RPTOR: variants seen among roughly 807,000 people sequenced by gnomAD.
RPTOR encodes the protein regulatory associated protein of MTOR complex 1.
In RPTOR, 21 loss-of-function variants were observed where a neutral mutation model predicts 169.9. The observed-to-expected ratio is 0.12, with a 90% confidence interval of 0.09 to 0.18. The LOEUF (loss-of-function observed/expected upper bound fraction) is 0.18. Ranked by LOEUF, RPTOR falls within the 10% of genes least tolerant of loss-of-function variation. The pLI, the probability that RPTOR is intolerant of heterozygous loss-of-function variation, is 1.00. For synonymous variants in RPTOR, 732 were observed against 753.2 expected (o/e 0.97, Z 0.46); for missense variants, 1,133 against 1,855.9 (o/e 0.61, Z 7.16).
At chr17:80,722,463 A>T (rs1187677081) in intron 4 of RPTOR, among the ~76,000 whole-genome samples, 1 of 150,766 alleles carries the variant, frequency 6.6e-6, no homozygotes, top group East Asian at 1.9e-4. Context: ...GAGGGGTCCC[A>T]AGCTGGGAAA....
At chr17:80,822,802 T>C (rs1007643031) in intron 8 of RPTOR, among the ~76,000 whole-genome samples, 3 of 129,672 alleles carry the variant, frequency 2.3e-5, no homozygotes, top group Admixed American at 1.5e-4. Context: ...GTGCGTGTAT[T>C]TGTGTATGCG....
intron 1 of RPTOR, among the ~76,000 whole-genome samples, chr17:80,583,992 C>T (rs921322289): frequency 2.0e-5 from 3 of 152,260 alleles, no homozygotes; most frequent in African/African-American, 4.8e-5. Flanking sequence ...TGGCTGCAGG[C>T]GGTGAAGGTG....
At chr17:80,717,068 A>G (rs1020786126) in intron 4 of RPTOR, among the ~76,000 whole-genome samples, 2 of 152,192 alleles carry the variant, frequency 1.3e-5, no homozygotes, top group East Asian at 3.9e-4. Context: ...TTTTGGTTCC[A>G]TATGAGTTTT....
rs2143094128 is a variant in RPTOR at position 80,707,926 on chromosome 17, G to A, written c.434G>A (p.Arg145Gln). 6.2e-7 allele frequency: 1 copy of A among 1,613,992 alleles called. No individual in the cohort carries two copies. Among genetic ancestry groups the A allele is most frequent in the Non-Finnish European group, 8.5e-7 (1 of 1,179,962 alleles). Residue 145 changes from arginine (R) to glutamine (Q), a missense_variant, in exon 4 of 34, where the codon CGA (arginine) becomes CAA (glutamine). Around this residue, in one of 9 missense-constraint regions of RPTOR, gnomAD observed 74 missense variants for 168.3 expected, o/e 0.44. Transcript: ENST00000306801. The surrounding 1 kb of genome is among the most constrained non-coding windows in gnomAD (Gnocchi z 5.0). ...TTACGTCGCAACGCCAAGGAGGAGC[G>A]AGTCCTCTTTCACTACAATGGCCAC... ...TSLRRNAKEE[R>Q]VLFHYNGHGV...
intron 17 of RPTOR, among the ~76,000 whole-genome samples, chr17:80,889,735 G>C (rs570449805): frequency 6.6e-6 from 1 of 152,358 alleles, no homozygotes; most frequent in South Asian, 2.1e-4. Context: ...GCAAAGGAGA[G>C]CTCTTTGCTG....
At chr17:80,926,964 T>C (rs1342657604) in intron 24 of RPTOR, among the ~76,000 whole-genome samples, 1 of 152,216 alleles carries the variant, frequency 6.6e-6, no homozygotes, top group African/African-American at 2.4e-5. Flanking sequence ...CAGAAGCCCC[T>C]CACCAGGCCC....
intron 2 of RPTOR, among the ~76,000 whole-genome samples, chr17:80,630,683 T>C (rs1322112353): frequency 6.6e-6 from 1 of 152,236 alleles, no homozygotes; most frequent in Non-Finnish European, 1.5e-5. Flanking sequence ...TTTGATTGAA[T>C]TGCTGAGTGC....
intron 4 of RPTOR, among the ~76,000 whole-genome samples, chr17:80,723,779 T>G (rs1715236397): frequency 1.3e-5 from 2 of 151,548 alleles, no homozygotes; most frequent in South Asian, 4.1e-4. Context: ...TATGTACAGG[T>G]GTGGAAACTA....
chr17:80,776,185 C>T (rs1382209884), intron 6 of RPTOR, among the ~76,000 whole-genome samples: 1 of 151,958 alleles, frequency 6.6e-6, no homozygotes, highest in Non-Finnish European at 1.5e-5. Flanking sequence ...GGCAACATAG[C>T]ATAGAGTAAG....
At position 80,826,251 on chromosome 17, in the gene RPTOR, T is replaced by C. The variant is rs538720006; in HGVS notation, c.1136+3028T>C. Among the ~76,000 whole-genome samples, 3 of 152,332 alleles carry C rather than the reference T, an allele frequency of 2.0e-5. No homozygotes were observed. The South Asian group carries it at 6.2e-4, about 32-fold the overall frequency. On this transcript the variant is annotated intron_variant, in intron 9 of 33. Transcript: ENST00000306801. Reference sequence around the variant, plus strand: ...CACCTGCCTTACCTGGGGCTGCTGTTACCCCAGCCCCATTTTGATGGGGCC... The same window carrying C: ...CACCTGCCTTACCTGGGGCTGCTGTCACCCCAGCCCCATTTTGATGGGGCC...
At chr17:80,881,780 C>A (rs1053219705) in intron 14 of RPTOR, among the ~76,000 whole-genome samples, 1 of 152,246 alleles carries the variant, frequency 6.6e-6, no homozygotes, top group Non-Finnish European at 1.5e-5. Flanking sequence ...TGTGACTGTA[C>A]AACTGCACTC....
At position 80,707,082 on chromosome 17, in the gene RPTOR, G is replaced by T. The variant is rs2066147549; in HGVS notation, c.349-759G>T. Among the ~76,000 whole-genome samples, 1 of 152,144 alleles carries T rather than the reference G, an allele frequency of 6.6e-6. No homozygotes were observed. Among genetic ancestry groups the T allele is most frequent in the Non-Finnish European group, 1.5e-5 (1 of 68,028 alleles). On this transcript the variant is annotated intron_variant, in intron 3 of 33. Coordinates refer to ENST00000306801, the MANE Select transcript of RPTOR (RefSeq NM_020761.3). This position sits in a 1 kb window ranked among gnomAD's most constrained non-coding sequence, Gnocchi z 5.0. ...CAGTTTTAGATTCTGCTCATTCAGG[G>T]TTAAGGGCCCAGGCAGGAGGCGGAG...
intron 14 of RPTOR, among the ~76,000 whole-genome samples, chr17:80,881,802 A>G (rs1047632395): frequency 2.6e-5 from 4 of 152,248 alleles, no homozygotes; most frequent in African/African-American, 7.2e-5. Context: ...AGCCTGAGCA[A>G]CAGAGTGAGA....
intron 21 of RPTOR, among the ~76,000 whole-genome samples, chr17:80,910,251 G>A (rs530801301): frequency 5.9e-5 from 9 of 152,112 alleles, no homozygotes; most frequent in African/African-American, 1.2e-4. Context: ...CCTGCAAGCC[G>A]GACACAGGGC....
intron 19 of RPTOR, among the ~76,000 whole-genome samples, chr17:80,893,401 TGTGTGTGTGTACAAGG>T (rs2068355618): frequency 7.1e-6 from 1 of 140,540 alleles, no homozygotes; most frequent in Non-Finnish European, 1.5e-5. Flanking sequence ...CCAGGGTGTG[TGTGTGTGTGTACAAGG>T]GTGTGTGTGT....
At chr17:80,838,105 T>A in intron 10 of RPTOR, 108 bp downstream of exon 10, 1 of 846,736 alleles carries the variant, frequency 1.2e-6, no homozygotes, top group Non-Finnish European at 1.8e-6. Flanking sequence ...CTCTCGGGTG[T>A]CAGATTTTGT....
chr17:80,962,390 C>T, intron 31 of RPTOR, 71 bp from the exon 32 acceptor site: 1 of 1,245,842 alleles, frequency 8.0e-7, no homozygotes, highest in Non-Finnish European at 1.2e-6. Flanking sequence ...ACACCTGGTT[C>T]CACCGTCCCC....
At position 80,957,736 on chromosome 17, in the gene RPTOR, C is replaced by T. The variant is rs966412397; in HGVS notation, c.3477+6C>T. ...ACCGTGAGATGAAGGTGCAGGTAAC[C>T]ATGCAGGTGTCCCCCAAGCCCTGGG... On this transcript the variant is annotated splice_donor_region_variant and intron_variant, in intron 29 of 33. Transcript: ENST00000306801. This position sits in a 1 kb window ranked among gnomAD's most constrained non-coding sequence, Gnocchi z 4.6. 3 of 1,612,702 alleles carry T rather than the reference C, an allele frequency of 1.9e-6. No individual in the cohort carries two copies. Among genetic ancestry groups the T allele is most frequent in the African/African-American group, 1.3e-5 (1 of 74,908 alleles).
intron 4 of RPTOR, among the ~76,000 whole-genome samples, chr17:80,729,042 G>T (rs374778693): frequency 6.6e-6 from 1 of 152,178 alleles, no homozygotes; most frequent in African/African-American, 2.4e-5. Context: ...CATCTGCGTC[G>T]TTGGTATACT....
Sources: allele counts gnomAD v4.1 joint callset (sites outside exome capture counted in the v4.1 genomes callset), GRCh38; gene constraint gnomAD v4.1.1; regional missense constraint gnomAD v4.1.1; non-coding constraint Gnocchi (gnomAD v3.1); transcripts MANE v1.5; gene names NCBI Gene and HGNC (gene_info 2026-07-23, HGNC 2026-07-21).